SLC38A12: variants seen among roughly 807,000 people sequenced by gnomAD.
The protein encoded by SLC38A12 is solute carrier family 38 member 12, also known as putative sodium-coupled neutral amino acid transporter 12.
the SLC38A12 span, chr17:74,795,440 G>T: frequency 8.3e-7 from 1 of 1,203,886 alleles, no homozygotes; most frequent in Admixed American, 2.2e-5. Flanking sequence ...CGCTCAGGCA[G>T]CTGTGCAGGG....
chr17:74,781,547 G>A, the SLC38A12 span, among the ~76,000 whole-genome samples: 1 of 152,134 alleles, frequency 6.6e-6, no homozygotes, highest in South Asian at 2.1e-4. Flanking sequence ...CAGGAGTTCT[G>A]GGATCACAGG....
chr17:74,826,239 G>A, the SLC38A12 span, among the ~76,000 whole-genome samples: 1,042 of 152,310 alleles, frequency 6.8e-3, 10 homozygotes, highest in Non-Finnish European at 9.6e-3. Flanking sequence ...GCCAGAGCCC[G>A]TGATTTCTGA....
chr17:74,810,542 C>G, the SLC38A12 span, among the ~76,000 whole-genome samples: 1 of 152,214 alleles, frequency 6.6e-6, no homozygotes, highest in Admixed American at 6.5e-5. Flanking sequence ...CACTCTGCAC[C>G]AGGTACACAG....
the SLC38A12 span, among the ~76,000 whole-genome samples, chr17:74,783,603 A>G: frequency 2.0e-5 from 3 of 152,062 alleles, no homozygotes; most frequent in Non-Finnish European, 4.4e-5. Flanking sequence ...CCTGCTCTCA[A>G]ATATCCAGTT....
chr17:74,785,754 G>T, the SLC38A12 span: 2 of 1,142,146 alleles, frequency 1.8e-6, no homozygotes, highest in Non-Finnish European at 2.4e-6. Flanking sequence ...GGTATTCAGA[G>T]AGGGGAAAGT....
chr17:74,806,499 G>A, the SLC38A12 span, among the ~76,000 whole-genome samples: 1 of 152,192 alleles, frequency 6.6e-6, no homozygotes, highest in Non-Finnish European at 1.5e-5. Context: ...AGCCACGCCT[G>A]TAGTGCCCAG....
the SLC38A12 span, among the ~76,000 whole-genome samples, chr17:74,789,231 A>C: frequency 6.6e-6 from 1 of 152,180 alleles, no homozygotes; most frequent in Non-Finnish European, 1.5e-5. Flanking sequence ...GATACCCTGC[A>C]GAAGGAAAGA....
At chr17:74,779,090 T>C in the SLC38A12 span, among the ~76,000 whole-genome samples, 1 of 152,224 alleles carries the variant, frequency 6.6e-6, no homozygotes, top group Non-Finnish European at 1.5e-5. Flanking sequence ...TGTCTATTAA[T>C]GTAAAAGTCA....
chr17:74,834,801 T>C, the SLC38A12 span, among the ~76,000 whole-genome samples: 2 of 152,240 alleles, frequency 1.3e-5, no homozygotes, highest in Non-Finnish European at 2.9e-5. Flanking sequence ...CTGTCAGATA[T>C]GTTCTGAACA....
At chr17:74,781,278 C>T in the SLC38A12 span, among the ~76,000 whole-genome samples, 5 of 152,252 alleles carry the variant, frequency 3.3e-5, no homozygotes, top group South Asian at 2.1e-4. Context: ...CCCCATAAAA[C>T]TTTTGCCTAA....
chr17:74,802,827 T>A, the SLC38A12 span, among the ~76,000 whole-genome samples: 1 of 152,096 alleles, frequency 6.6e-6, no homozygotes, highest in Non-Finnish European at 1.5e-5. Context: ...CCATTGTCTG[T>A]AAAATAATGA....
At chr17:74,795,432 C>T in the SLC38A12 span, 16 of 1,123,042 alleles carry the variant, frequency 1.4e-5, no homozygotes, top group African/African-American at 1.7e-4. Context: ...ATTGTTGGCG[C>T]TCAGGCAGCT....
At chr17:74,800,174 C>T in the SLC38A12 span, among the ~76,000 whole-genome samples, 1 of 152,238 alleles carries the variant, frequency 6.6e-6, no homozygotes, top group Non-Finnish European at 1.5e-5. Flanking sequence ...ATAGGCCCTG[C>T]CTTGGCGGTG....
chr17:74,836,043 TC>T, the SLC38A12 span: 1 of 1,613,028 alleles, frequency 6.2e-7, no homozygotes, highest in Non-Finnish European at 8.5e-7. The surrounding 1 kb of genome is among the most constrained non-coding windows in gnomAD (Gnocchi z 4.2). Context: ...GTGCGTCTAC[TC>T]CTTCATGTGC....
chr17:74,838,665 C>A, the SLC38A12 span: 22 of 1,408,168 alleles, frequency 1.6e-5, no homozygotes, highest in Non-Finnish European at 2.0e-5. Flanking sequence ...CTTTGCTCCT[C>A]AGTGTCCTCC....
chr17:74,833,324 T>C, the SLC38A12 span, among the ~76,000 whole-genome samples: 1 of 152,214 alleles, frequency 6.6e-6, no homozygotes, highest in East Asian at 1.9e-4. Context: ...CGCCATGGCT[T>C]TGTTCTAGCT....
chr17:74,810,539 C>T, the SLC38A12 span, among the ~76,000 whole-genome samples: 1 of 152,224 alleles, frequency 6.6e-6, no homozygotes, highest in Non-Finnish European at 1.5e-5. Flanking sequence ...TCTCACTCTG[C>T]ACCAGGTACA....
the SLC38A12 span, among the ~76,000 whole-genome samples, chr17:74,806,571 T>C: frequency 1.3e-5 from 2 of 152,214 alleles, no homozygotes; most frequent in Non-Finnish European, 2.9e-5. Context: ...GAGGTTTTCA[T>C]GCTCTTCAGA....
At chr17:74,819,277 G>T in the SLC38A12 span, among the ~76,000 whole-genome samples, 4 of 152,258 alleles carry the variant, frequency 2.6e-5, no homozygotes, top group African/African-American at 9.6e-5. Context: ...CTCCTGCGAG[G>T]CTTCGTCAGG....
Sources: allele counts gnomAD v4.1 joint callset (sites outside exome capture counted in the v4.1 genomes callset), GRCh38; gene constraint gnomAD v4.1.1; non-coding constraint Gnocchi (gnomAD v3.1); transcripts MANE v1.5; gene names NCBI Gene and HGNC (gene_info 2026-07-23, HGNC 2026-07-21).